POMGNT1: variants seen among roughly 807,000 people sequenced by gnomAD.
POMGNT1 encodes protein O-linked mannose N-acetylglucosaminyltransferase 1 (beta 1,2-), also known as protein O-linked-mannose beta-1,2-N-acetylglucosaminyltransferase 1.
POMGNT1 carries 67 observed loss-of-function variants against 95.6 expected under a neutral mutation model. The observed-to-expected ratio is 0.70, with a 90% CI of 0.58 to 0.86. The LOEUF is 0.86. POMGNT1 is among the 40% of genes least tolerant of loss of function. The pLI is 0.00. For synonymous variants in POMGNT1, 298 were observed against 317.9 expected (o/e 0.94, Z 0.66); for missense variants, 719 against 855.2 (o/e 0.84, Z 1.99).
intron 1 of POMGNT1, among the ~76,000 whole-genome samples, chr1:46,212,464 A>G (rs896155688): frequency 7.3e-5 from 11 of 151,370 alleles, no homozygotes; most frequent in African/African-American, 1.2e-4. Context: ...TGTATTTTTA[A>G]CAGAGACGGG....
At chr1:46,219,788 G>A (rs1659176073) in exon 1 of POMGNT1, 2 of 1,614,100 alleles carry the variant, frequency 1.2e-6, no homozygotes, top group South Asian at 1.1e-5. Flanking sequence ...TGTTGGAGGA[G>A]CGGGGGACGT....
Position 46,192,060 on chromosome 1 carries a change from C to G in POMGNT1, c.1539+38G>C, listed in dbSNP as rs373620177. Reference sequence around the variant, plus strand: ...AGTCCATGTTCTTGTTCTTGACTGTCATGCCACACTGTGCCCTGCTCCCTG... The same window carrying G: ...AGTCCATGTTCTTGTTCTTGACTGTGATGCCACACTGTGCCCTGCTCCCTG... On this transcript the variant is annotated intron_variant, in intron 17 of 21. Coordinates refer to ENST00000371984, the MANE Select transcript of POMGNT1 (RefSeq NM_017739.4). 1.8e-5 allele frequency: 28 copies of G among 1,596,250 alleles called. No individual in the cohort carries two copies. The African/African-American group carries it at 3.6e-4, about 21-fold the overall frequency.
intron 17 of POMGNT1, chr1:46,191,613 T>C (rs972579511): frequency 2.5e-5 from 6 of 236,758 alleles, no homozygotes; most frequent in Middle Eastern, 1.6e-3. Flanking sequence ...CAAAATATCG[T>C]AACCCAGTGA....
chr1:46,204,904 T>A (rs1275651366), intron 1 of POMGNT1, among the ~76,000 whole-genome samples: 1 of 152,246 alleles, frequency 6.6e-6, no homozygotes, highest in Non-Finnish European at 1.5e-5. Flanking sequence ...CTGAGCACTT[T>A]ACATGATGCT....
intron 2 of POMGNT1, 176 bp from the exon 3 acceptor site, chr1:46,197,260 C>CG: frequency 6.5e-7 from 1 of 1,531,072 alleles, no homozygotes; most frequent in East Asian, 2.4e-5. Context: ...GCCACTTTCC[C>CG]CAGGGAACCT....
intron 10 of POMGNT1, 59 bp downstream of exon 10, chr1:46,193,796 G>C (rs1571659996): frequency 6.2e-7 from 1 of 1,608,642 alleles, no homozygotes; most frequent in Non-Finnish European, 8.5e-7. Context: ...TCCTCCTGGA[G>C]GTAGATGACC....
chr1:46,201,226 G>A (rs1028841783), upstream of POMGNT1, among the ~76,000 whole-genome samples: 1 of 150,688 alleles, frequency 6.6e-6, no homozygotes, highest in African/African-American at 2.4e-5. Flanking sequence ...AAATTATAAA[G>A]GTAGGCCAGG....
At chr1:46,208,092 T>A (rs925624099) in intron 1 of POMGNT1, among the ~76,000 whole-genome samples, 8 of 150,854 alleles carry the variant, frequency 5.3e-5, no homozygotes, top group Admixed American at 6.6e-5. Context: ...ACTCCTGGCC[T>A]CAAGTGATCT....
At chr1:46,201,690 T>G (rs1489126206), upstream of POMGNT1, among the ~76,000 whole-genome samples, 2 of 112,560 alleles carry the variant, frequency 1.8e-5, no homozygotes, top group Non-Finnish European at 3.4e-5. Context: ...AGAGTGAGAC[T>G]CCATCTCAAA....
upstream of POMGNT1, among the ~76,000 whole-genome samples, chr1:46,201,006 C>T (rs1442355101): frequency 1.3e-5 from 2 of 152,128 alleles, no homozygotes; most frequent in Non-Finnish European, 2.9e-5. Context: ...TGGCAGGTGC[C>T]TGTAATTCCA....
chr1:46,189,019 T>C lies in POMGNT1; in HGVS notation c.*251A>G. The C allele has an allele frequency of 6.3e-7, 1 of 1,584,258 alleles. No homozygotes were observed. The highest frequency in any genetic ancestry group is 8.6e-7 in the Non-Finnish European group (1 of 1,165,912). On this transcript the variant is annotated 3_prime_UTR_variant, in exon 22 of 22. Transcript: ENST00000371984. ...GTATTCAAAGGGCAGGATGAGCTGC[T>C]AGGGATCGTAATGATTCCCAGGTAC...
At chr1:46,218,490 G>C (rs1224339667) in intron 1 of POMGNT1, among the ~76,000 whole-genome samples, 1 of 152,252 alleles carries the variant, frequency 6.6e-6, no homozygotes, top group Non-Finnish European at 1.5e-5. Context: ...AAACTATAGA[G>C]ATGGGCGAGA....
intron 15 of POMGNT1, 33 bp downstream of exon 15, chr1:46,192,485 C>T (rs1039129353): frequency 1.2e-6 from 2 of 1,614,154 alleles, no homozygotes; most frequent in Non-Finnish European, 1.7e-6. Context: ...GCCTCATAAA[C>T]TCGCCTGCTA....
At chr1:46,219,812 C>A in exon 1 of POMGNT1, 1 of 1,614,210 alleles carries the variant, frequency 6.2e-7, no homozygotes, top group Non-Finnish European at 8.5e-7. Context: ...CCAGTCATTG[C>A]AGCAGCCTCA....
chr1:46,208,051 G>A (rs978481695), intron 1 of POMGNT1, among the ~76,000 whole-genome samples: 1 of 151,508 alleles, frequency 6.6e-6, no homozygotes, highest in Non-Finnish European at 1.5e-5. Flanking sequence ...GTAGAGATGG[G>A]GTTTCACCAC....
In POMGNT1 at chr1:46,203,462, G is replaced by T. The variant is rs967335548; in HGVS notation, c.-50-5591C>A. On this transcript the variant is annotated intron_variant, in intron 1 of 22. Transcript: ENST00000371992. The stretch of plus-strand genomic sequence containing the variant: ...CCGTGGAGTCCCAGACGCCTGACCT[G>T]CGGGATGTGGAGGGTAAGGTGGGCA... 4 of 1,505,646 alleles carry T rather than the reference G, an allele frequency of 2.7e-6. No homozygotes were observed. In the Admixed American group the frequency reaches 6.7e-5, roughly 25 times the overall value. The allele number at this position is 1,505,646 out of a possible 1,614,324, so 93.3% of individuals were successfully genotyped here.
chr1:46,192,135 A>G lies in POMGNT1; in HGVS notation c.1502T>C (p.Phe501Ser), dbSNP rs727502852. ...IIPDVSRSYH[F>S]GIVGLNMNGY... is the part of the protein sequence containing the mutation. ...ATTCATGTTGAGGCCGACGATGCCA[A>G]AGTGGTAGGATCGGGAAACGTCAGG... The change falls in exon 17 of 22, where the codon TTT (phenylalanine) becomes TCT (serine). Residue 501 changes from phenylalanine (F) to serine (S), a missense_variant. Transcript: ENST00000371984. The G allele has an allele frequency of 6.2e-7, 1 of 1,613,898 alleles. No homozygotes were observed. The highest frequency in any genetic ancestry group is 8.5e-7 in the Non-Finnish European group (1 of 1,179,956).
chr1:46,219,168 G>A lies in POMGNT1; in HGVS notation c.-51+537C>T, dbSNP rs574389658. On this transcript the variant is annotated intron_variant, in intron 1 of 22. Transcript: ENST00000371992. The stretch of plus-strand genomic sequence containing the variant: ...AAATTAGCTGGGTGTGGTGGTACAC[G>A]CCTGTAATCCCAGCTAATTGGGAGA... Among the ~76,000 whole-genome samples the A allele has an allele frequency of 5.3e-5, 8 of 152,134 alleles. No homozygotes were observed. In the South Asian group the frequency reaches 1.0e-3, roughly 20 times the overall value.
rs780158040 is a variant in POMGNT1 at position 46,196,772 on chromosome 1, A to G, written c.313T>C (p.Ser105Pro). The G allele has an allele frequency of 1.9e-6, 3 of 1,614,176 alleles. No individual in the cohort carries two copies. The South Asian group carries it at 3.3e-5, about 18-fold the overall frequency. Reference protein sequence around the residue: ...PRRVLDVEVYSSRSKVYVAVD... With the variant: ...PRRVLDVEVYPSRSKVYVAVD... ...GCCACATATACTTTGCTGCGACTTGAATACACCTCTACGTCCAGGACCCGC... is the reference window on the plus strand; with the variant it reads ...GCCACATATACTTTGCTGCGACTTGGATACACCTCTACGTCCAGGACCCGC... Residue 105 changes from serine to proline, a missense_variant, in exon 4 of 22, where the codon TCA becomes CCA. Physicochemically the swap from Ser to Pro is moderately conservative, Grantham distance 74 (BLOSUM62 -1). Around this residue, in one of 5 missense-constraint regions of POMGNT1, gnomAD observed 466 missense variants for 517.4 expected, o/e 0.90. Coordinates refer to ENST00000371984, the MANE Select transcript of POMGNT1 (RefSeq NM_017739.4). This position sits in a 1 kb window ranked among gnomAD's most constrained non-coding sequence, Gnocchi z 4.4.
Sources: allele counts gnomAD v4.1 joint callset (sites outside exome capture counted in the v4.1 genomes callset), GRCh38; gene constraint gnomAD v4.1.1; regional missense constraint gnomAD v4.1.1; non-coding constraint Gnocchi (gnomAD v3.1); transcripts MANE v1.5; gene names NCBI Gene and HGNC (gene_info 2026-07-23, HGNC 2026-07-21).